ZBTB20: variants seen among roughly 807,000 people sequenced by gnomAD.
ZBTB20 encodes the protein zinc finger and BTB domain containing 20, also known as zinc finger and BTB domain-containing protein 20.
Under a neutral mutation model 56.9 loss-of-function variants are expected in ZBTB20, and 9 were observed. The observed-to-expected ratio is 0.16, with a 90% confidence interval of 0.10 to 0.28. ZBTB20 has a LOEUF of 0.28. Ranked by LOEUF, ZBTB20 falls within the 10% of genes least tolerant of loss-of-function variation. The pLI is 1.00. For synonymous variants in ZBTB20, 417 were observed against 420.7 expected (o/e 0.99, Z 0.11); for missense variants, 655 against 1,003.0 (o/e 0.65, Z 4.69).
chr3:115,101,888 T>TA (rs60134274), intron 1 of ZBTB20, among the ~76,000 whole-genome samples: 5 of 152,020 alleles, frequency 3.3e-5, no homozygotes, highest in African/African-American at 4.8e-5. Flanking sequence ...TTCTTTTGTT[T>TA]AAAAAAAATC....
intron 4 of ZBTB20, among the ~76,000 whole-genome samples, chr3:114,852,912 T>A (rs2075071886): frequency 6.6e-6 from 1 of 152,304 alleles, no homozygotes; most frequent in Non-Finnish European, 1.5e-5. Flanking sequence ...ACCGTGCACA[T>A]TGTTCAAGAG....
At chr3:114,801,554 T>C (rs1195305402) in intron 4 of ZBTB20, among the ~76,000 whole-genome samples, 1 of 151,620 alleles carries the variant, frequency 6.6e-6, no homozygotes, top group Non-Finnish European at 1.5e-5. Flanking sequence ...ACAGAAAATA[T>C]TAAGTTCAGG....
chr3:114,936,032 C>T (rs1415261189), intron 3 of ZBTB20, among the ~76,000 whole-genome samples: 1 of 151,870 alleles, frequency 6.6e-6, no homozygotes, highest in Middle Eastern at 3.4e-3. Flanking sequence ...TGTTTGGGGA[C>T]ACAGAGACTG....
intron 4 of ZBTB20, among the ~76,000 whole-genome samples, chr3:114,843,264 C>G (rs922248230): frequency 1.3e-5 from 2 of 152,146 alleles, no homozygotes; most frequent in African/African-American, 2.4e-5. Flanking sequence ...AAACATTACT[C>G]TCACCTATCT....
chr3:114,590,497 T>C (rs2055642716), intron 6 of ZBTB20, among the ~76,000 whole-genome samples: 1 of 140,256 alleles, frequency 7.1e-6, no homozygotes, highest in Admixed American at 7.6e-5. Flanking sequence ...TTTATTAATT[T>C]ATTTAATAAA....
At position 114,982,164 on chromosome 3, in the gene ZBTB20, G is replaced by C. The variant is rs144489681; in HGVS notation, c.-506-7748C>G. ...GTTTTCATGGGATAAATATGTGAAT[G>C]ATTATATTCCAAAGGCAACCAAGAC... On this transcript the variant is annotated intron_variant, in intron 2 of 11. Transcript: ENST00000675478. 4.2e-3 allele frequency among the ~76,000 whole-genome samples: 646 copies of C among 152,128 alleles called. 5 individuals are homozygous for C. The highest frequency in any genetic ancestry group is 0.024 in the Middle Eastern group (7 of 294).
intron 2 of ZBTB20, among the ~76,000 whole-genome samples, chr3:114,981,715 G>A (rs1308980308): frequency 6.6e-6 from 1 of 152,128 alleles, no homozygotes; most frequent in East Asian, 1.9e-4. Context: ...GGAACAGAGG[G>A]AGTAAGTAAT....
intron 7 of ZBTB20, among the ~76,000 whole-genome samples, chr3:114,429,122 C>A (rs1046018931): frequency 6.6e-6 from 1 of 152,116 alleles, no homozygotes; most frequent in African/African-American, 2.4e-5. Context: ...AAGCCACGGA[C>A]TAGATTCATT....
chr3:114,571,157 G>A (rs2053389084), intron 6 of ZBTB20, among the ~76,000 whole-genome samples: 1 of 152,120 alleles, frequency 6.6e-6, no homozygotes, highest in Non-Finnish European at 1.5e-5. Context: ...GTAGGAAATG[G>A]AGAACAAAGT....
chr3:114,668,304 C>T (rs1201185455), intron 6 of ZBTB20, among the ~76,000 whole-genome samples: 2 of 151,942 alleles, frequency 1.3e-5, no homozygotes, highest in African/African-American at 2.4e-5. Flanking sequence ...CTTCTCAGTA[C>T]TTCAGTTTCA....
chr3:114,734,063 T>C (rs1237871020), intron 5 of ZBTB20, among the ~76,000 whole-genome samples: 3 of 152,094 alleles, frequency 2.0e-5, no homozygotes, highest in Non-Finnish European at 4.4e-5. Context: ...AAAGAAAAGA[T>C]AGTTATTTCC....
intron 1 of ZBTB20, among the ~76,000 whole-genome samples, chr3:115,136,684 C>A (rs946688580): frequency 1.3e-5 from 2 of 152,014 alleles, no homozygotes; most frequent in Non-Finnish European, 2.9e-5. Context: ...TTATTTTTGG[C>A]TCTTATACAC....
Position 114,350,537 on chromosome 3 carries a change from G to C in ZBTB20, c.1541C>G (p.Thr514Ser). Residue 514 changes from threonine (T) to serine (S), a missense_variant, in exon 11 of 12, where the codon ACC becomes AGC. Transcript: ENST00000675478. ...GNTYLPALFT[T>S]QPAGSGPKPF... Reference sequence around the variant, plus strand: ...CTTGGGGCCACTGCCCGCGGGCTGGGTAGTGAAGAGGGCTGGCAGGTAGGT... The same window carrying C: ...CTTGGGGCCACTGCCCGCGGGCTGGCTAGTGAAGAGGGCTGGCAGGTAGGT... 6.2e-7 allele frequency: 1 copy of C among 1,614,148 alleles called. No individual in the cohort carries two copies. The highest frequency in any genetic ancestry group is 1.7e-5 in the Admixed American group (1 of 60,034).
At chr3:115,027,270 A>G (rs765231133) in intron 2 of ZBTB20, among the ~76,000 whole-genome samples, 7 of 151,012 alleles carry the variant, frequency 4.6e-5, no homozygotes, top group Non-Finnish European at 7.4e-5. Context: ...ACAAGCTTAA[A>G]GTCTTTGTTC....
At chr3:114,681,950 A>G (rs1359691988) in intron 6 of ZBTB20, among the ~76,000 whole-genome samples, 1 of 152,208 alleles carries the variant, frequency 6.6e-6, no homozygotes, top group East Asian at 1.9e-4. Flanking sequence ...AGCACATGGC[A>G]TGGCACAGAG....
At chr3:114,438,243 G>T (rs1416336135) in intron 7 of ZBTB20, among the ~76,000 whole-genome samples, 1 of 151,876 alleles carries the variant, frequency 6.6e-6, no homozygotes, top group Non-Finnish European at 1.5e-5. Flanking sequence ...TAGCATACAC[G>T]GATGTGTTTG....
At chr3:114,644,456 T>C (rs565047137) in intron 6 of ZBTB20, among the ~76,000 whole-genome samples, 1 of 152,238 alleles carries the variant, frequency 6.6e-6, no homozygotes, top group East Asian at 1.9e-4. Flanking sequence ...CTGCAGTTCA[T>C]TCATTTTGTG....
chr3:114,911,211 G>C (rs2075524658), intron 3 of ZBTB20, among the ~76,000 whole-genome samples: 1 of 152,082 alleles, frequency 6.6e-6, no homozygotes, highest in South Asian at 2.1e-4. Flanking sequence ...AGGCCATTTT[G>C]AGAGGGTAGA....
At chr3:114,654,747 T>C (rs1368737212) in intron 6 of ZBTB20, among the ~76,000 whole-genome samples, 1 of 152,190 alleles carries the variant, frequency 6.6e-6, no homozygotes, top group Non-Finnish European at 1.5e-5. Flanking sequence ...TGCCTATTTG[T>C]TCTATCAAGT....
Sources: gnomAD v4.1 joint callset for allele counts (sites outside exome capture counted in the v4.1 genomes callset) on GRCh38, gnomAD v4.1.1 for gene constraint, MANE v1.5 for transcripts, NCBI Gene and HGNC (gene_info 2026-07-23, HGNC 2026-07-21) for gene names.